DNAH11: variants seen among roughly 807,000 people sequenced by gnomAD.
DNAH11 encodes the protein dynein axonemal heavy chain 11, also known as axonemal beta dynein heavy chain 11.
Under a neutral mutation model 526.0 loss-of-function variants are expected in DNAH11, and 442 were observed. That is an observed-to-expected ratio of 0.84 (90% CI 0.78 to 0.91). The LOEUF is 0.91. Among genes scored for constraint, DNAH11 ranks in the 40% least tolerant of loss-of-function variants. The probability of loss-of-function intolerance (pLI) is 0.00; values close to 1 mark genes in which losing one functional copy is unlikely to be tolerated. For missense variants in DNAH11, 6,989 were observed against 5,448.7 expected (o/e 1.28, Z -8.90); for synonymous variants, 2,461 against 1,935.9 (o/e 1.27, Z -7.12).
intron 31 of DNAH11, 97 bp from the exon 32 acceptor site, chr7:21,683,687 A>G (rs1405469707): frequency 1.5e-6 from 2 of 1,325,058 alleles, no homozygotes; most frequent in Non-Finnish European, 2.0e-6. Context: ...TATTTATGAG[A>G]ATTTTAGAAA....
intron 25 of DNAH11, among the ~76,000 whole-genome samples, chr7:21,626,921 T>G (rs6964256): frequency 0.13 from 19,462 of 151,796 alleles, 1,333 homozygotes; most frequent in African/African-American, 0.15. Context: ...TGGCTAATTT[T>G]TTGTATTTTT....
At chr7:21,796,148 C>T (rs962344095) in intron 61 of DNAH11, among the ~76,000 whole-genome samples, 2 of 152,188 alleles carry the variant, frequency 1.3e-5, no homozygotes, top group Non-Finnish European at 2.9e-5. Context: ...ATATTGAAGA[C>T]TCTTCTTAAT....
Position 21,708,651 on chromosome 7 carries a change from C to G in DNAH11, c.6683+816C>G, listed in dbSNP as rs368962067. Among the ~76,000 whole-genome samples, 12 of 152,278 alleles carry G rather than the reference C, an allele frequency of 7.9e-5. No homozygotes were observed. The East Asian group carries it at 1.5e-3, about 20-fold the overall frequency. On this transcript the variant is annotated intron_variant, in intron 40 of 81. Coordinates refer to ENST00000409508, the MANE Select transcript of DNAH11 (RefSeq NM_001277115.2). The stretch of plus-strand genomic sequence containing the variant: ...GCCCCCGTCCCCAAATCCCACCATC[C>G]CTGACTTCATTTCCCACCACTTACT...
intron 34 of DNAH11, among the ~76,000 whole-genome samples, chr7:21,687,974 A>G (rs1464085687): frequency 6.6e-6 from 1 of 152,168 alleles, no homozygotes; most frequent in Non-Finnish European, 1.5e-5. Context: ...AGGCAAGAGG[A>G]TTGCTTGAGC....
intron 62 of DNAH11, among the ~76,000 whole-genome samples, chr7:21,801,951 T>G (rs1789013246): frequency 6.6e-6 from 1 of 152,208 alleles, no homozygotes; most frequent in Admixed American, 6.5e-5. Flanking sequence ...CATACGTTCT[T>G]TGATATCAGT....
intron 28 of DNAH11, among the ~76,000 whole-genome samples, chr7:21,642,063 C>T (rs1036202079): frequency 2.0e-5 from 3 of 152,272 alleles, no homozygotes; most frequent in Admixed American, 6.5e-5. Flanking sequence ...ACAGTATAAA[C>T]ATGCTTACAG....
intron 40 of DNAH11, 34 bp from the exon 41 acceptor site, chr7:21,710,519 G>C (rs1335601163): frequency 1.3e-6 from 2 of 1,536,042 alleles, no homozygotes; most frequent in East Asian, 4.6e-5. Context: ...ATCTATCGTA[G>C]AAATAAACAG....
chr7:21,548,090 C>G (rs1782872185), intron 2 of DNAH11, among the ~76,000 whole-genome samples: 1 of 144,840 alleles, frequency 6.9e-6, no homozygotes, highest in African/African-American at 2.6e-5. Context: ...AACCTTCTAC[C>G]CAACCCATTA....
intron 44 of DNAH11, among the ~76,000 whole-genome samples, chr7:21,722,517 A>C (rs1784918490): frequency 6.6e-6 from 1 of 152,168 alleles, no homozygotes. Flanking sequence ...TGGTTGATAT[A>C]ATCTGTTGGC....
At chr7:21,818,943 A>G in intron 65 of DNAH11, among the ~76,000 whole-genome samples, 1 of 152,090 alleles carries the variant, frequency 6.6e-6, no homozygotes, top group South Asian at 2.1e-4. Flanking sequence ...CATTCCCCCA[A>G]GACAATATAC....
chr7:21,848,889 T>A (rs1397645228), intron 66 of DNAH11, among the ~76,000 whole-genome samples: 1 of 152,202 alleles, frequency 6.6e-6, no homozygotes, highest in Non-Finnish European at 1.5e-5. Flanking sequence ...CCATTTTCTT[T>A]TTTCTTTTTT....
rs771747254 is a variant in DNAH11 at position 21,615,151 on chromosome 7, T to G, written c.3890T>G (p.Leu1297Trp). ...EELEALEEEM[L>W]QMQESTRLFE... Reference sequence around the variant, plus strand: ...CTTGAGGCCTTAGAAGAAGAAATGTTGCAGATGCAAGAATCTACTCGTCTT... The same window carrying G: ...CTTGAGGCCTTAGAAGAAGAAATGTGGCAGATGCAAGAATCTACTCGTCTT... Residue 1297 changes from leucine to tryptophan, a missense_variant, in exon 21 of 82, where the codon TTG (leucine) becomes TGG (tryptophan). Leu to Trp is a moderately conservative substitution (Grantham distance 61). Coordinates refer to ENST00000409508, the MANE Select transcript of DNAH11 (RefSeq NM_001277115.2). 46 of 1,612,644 alleles carry G rather than the reference T, an allele frequency of 2.9e-5. No individual in the cohort carries two copies. Among genetic ancestry groups the G allele is most frequent in the Non-Finnish European group, 1.7e-5 (20 of 1,179,346 alleles).
intron 9 of DNAH11, among the ~76,000 whole-genome samples, chr7:21,582,885 T>G (rs1019783265): frequency 2.6e-5 from 4 of 152,132 alleles, no homozygotes; most frequent in African/African-American, 9.7e-5. Flanking sequence ...ATTTTGACCT[T>G]CGAATGAATT....
In DNAH11 at chr7:21,698,226, T is replaced by C. The variant is rs1360245437; in HGVS notation, c.6180+13T>C. 1.2e-6 allele frequency: 2 copies of C among 1,612,198 alleles called. No homozygotes were observed. The highest frequency in any genetic ancestry group is 1.3e-5 in the African/African-American group (1 of 74,850). On this transcript the variant is annotated intron_variant, in intron 36 of 81. Coordinates refer to ENST00000409508, the MANE Select transcript of DNAH11 (RefSeq NM_001277115.2). ...TCTCTCCAAGCAGGTGAGGGATCAT[T>C]TGTTACGTTTTCTTGTTTTTACATA... is the stretch of plus-strand genomic sequence containing the variant.
chr7:21,789,813 T>TTTCTTTCTTTC (rs1788377785), intron 61 of DNAH11, among the ~76,000 whole-genome samples: 3 of 85,560 alleles, frequency 3.5e-5, no homozygotes, highest in East Asian at 3.3e-4. Flanking sequence ...TTCTTTTTTC[T>TTTCTTTCTTTC]TTCTTTCTTT....
intron 25 of DNAH11, among the ~76,000 whole-genome samples, chr7:21,632,275 C>A (rs1189098365): frequency 6.6e-6 from 1 of 152,196 alleles, no homozygotes; most frequent in African/African-American, 2.4e-5. Context: ...GAGGGCCTGC[C>A]ACAAAGGTCT....
intron 2 of DNAH11, among the ~76,000 whole-genome samples, chr7:21,551,500 C>T (rs905015635): frequency 2.0e-5 from 3 of 152,190 alleles, no homozygotes; most frequent in Non-Finnish European, 2.9e-5. Flanking sequence ...ACCCCACAGG[C>T]ATATTTAGAA....
chr7:21,791,618 G>T (rs1041883866), intron 61 of DNAH11, among the ~76,000 whole-genome samples: 1 of 152,082 alleles, frequency 6.6e-6, no homozygotes, highest in Non-Finnish European at 1.5e-5. Flanking sequence ...CATCTACTTC[G>T]GGCAAGCTCC....
intron 38 of DNAH11, among the ~76,000 whole-genome samples, chr7:21,704,833 A>G (rs1380873735): frequency 6.6e-6 from 1 of 152,224 alleles, no homozygotes; most frequent in Non-Finnish European, 1.5e-5. Flanking sequence ...GAAAACATAG[A>G]TATGATTTTC....
Sources: allele counts gnomAD v4.1 joint callset (sites outside exome capture counted in the v4.1 genomes callset), GRCh38; gene constraint gnomAD v4.1.1; transcripts MANE v1.5; gene names NCBI Gene and HGNC (gene_info 2026-07-23, HGNC 2026-07-21).